The following NR2C2 variants were observed in gnomAD, a reference collection of about 807,000 sequenced individuals.
NR2C2 encodes nuclear receptor subfamily 2 group C member 2, also known as Nuclear hormone receptor TR4.
In NR2C2, 6 loss-of-function variants were observed where a neutral mutation model predicts 62.9. The ratio of observed to expected loss-of-function variants is 0.10; its 90% CI spans 0.05 to 0.19. The LOEUF (loss-of-function observed/expected upper bound fraction) is 0.19. Ranked by LOEUF, NR2C2 falls within the 10% of genes least tolerant of loss-of-function variation. NR2C2 has a pLI of 1.00. For synonymous variants in NR2C2, 272 were observed against 273.8 expected (o/e 0.99, Z 0.07); for missense variants, 479 against 762.7 (o/e 0.63, Z 4.38).
At chr3:14,971,957 C>T (rs533659546) in intron 1 of NR2C2, among the ~76,000 whole-genome samples, 73 of 150,910 alleles carry the variant, frequency 4.8e-4, no homozygotes, top group Middle Eastern at 3.4e-3. Context: ...TACAGGCATG[C>T]GCCACCACGC....
intron 5 of NR2C2, among the ~76,000 whole-genome samples, chr3:15,021,227 G>A (rs2041659839): frequency 6.6e-6 from 1 of 152,098 alleles, no homozygotes; most frequent in African/African-American, 2.4e-5. Flanking sequence ...TCTACCTCCA[G>A]GTGTGCCACT....
chr3:15,020,877 C>T lies in NR2C2; in HGVS notation c.501C>T (p.Asn167=), dbSNP rs753819692. Residue 167 remains asparagine (N), a synonymous_variant, in exon 5 of 14, where the codon AAC becomes AAT. Coordinates refer to ENST00000425241, the MANE Select transcript of NR2C2 (RefSeq NM_001291694.2). The stretch of plus-strand genomic sequence containing the variant: ...GCATCATCAATAAACATCACCGGAA[C>T]CGCTGTCAGTTTTGCCGGCTGAAAA... ...QDCIINKHHR[N]RCQFCRLKKC... is the part of the protein sequence containing the mutation. 6.2e-7 allele frequency: 1 copy of T among 1,614,160 alleles called. No homozygotes were observed. The highest frequency in any genetic ancestry group is 1.1e-5 in the South Asian group (1 of 91,078).
At chr3:15,013,919 G>A (rs1440349735) in intron 3 of NR2C2, 130 bp downstream of exon 3, 16 of 949,756 alleles carry the variant, frequency 1.7e-5, no homozygotes, top group Non-Finnish European at 2.4e-5. Flanking sequence ...AACATGGCAG[G>A]TTGCTGCTTT....
chr3:15,012,273 CT>C (rs1026825914), intron 2 of NR2C2, among the ~76,000 whole-genome samples: 3 of 151,536 alleles, frequency 2.0e-5, no homozygotes, highest in African/African-American at 7.3e-5. Flanking sequence ...GTCGCTCAGG[CT>C]GGAGTGCAGT....
chr3:15,032,038 C>T (rs1186609021), intron 9 of NR2C2, among the ~76,000 whole-genome samples: 2 of 152,114 alleles, frequency 1.3e-5, no homozygotes, highest in Non-Finnish European at 2.9e-5. Flanking sequence ...CCCCTGTTCC[C>T]CAGATTTAAT....
intron 1 of NR2C2, among the ~76,000 whole-genome samples, chr3:15,001,585 T>C (rs1015237293): frequency 5.9e-5 from 9 of 152,126 alleles, no homozygotes. Flanking sequence ...TCCGCCTGCC[T>C]TGGCCTCCCA....
At chr3:14,966,972 G>A (rs139049966) in intron 1 of NR2C2, among the ~76,000 whole-genome samples, 94 of 152,264 alleles carry the variant, frequency 6.2e-4, no homozygotes, top group African/African-American at 2.2e-3. Context: ...TAGAATTAGC[G>A]GAGAAGCCAT....
chr3:14,999,116 A>T (rs1347290513), intron 1 of NR2C2, among the ~76,000 whole-genome samples: 1 of 152,226 alleles, frequency 6.6e-6, no homozygotes, highest in East Asian at 1.9e-4. Flanking sequence ...CAGGAGTTGG[A>T]GACCAGCCTG....
At chr3:15,010,717 A>AC (rs1385145175) in intron 2 of NR2C2, among the ~76,000 whole-genome samples, 1 of 151,998 alleles carries the variant, frequency 6.6e-6, no homozygotes. Context: ...GTCTCAAAAA[A>AC]AAAAAAAAAA....
In NR2C2 at chr3:15,013,745, C is replaced by T. The variant is rs367547001; in HGVS notation, c.229C>T (p.Leu77Phe). The T allele has an allele frequency of 1.9e-6, 3 of 1,614,230 alleles. No individual in the cohort carries two copies. The highest frequency in any genetic ancestry group is 2.2e-5 in the East Asian group (1 of 44,878). ...ASPETSSAKQ[L>F]IFTTSDNLVP... Reference sequence around the variant, plus strand: ...CCCAGAGACATCCAGCGCCAAGCAACTCATATTCACCACCTCAGACAACCT... The same window carrying T: ...CCCAGAGACATCCAGCGCCAAGCAATTCATATTCACCACCTCAGACAACCT... Residue 77 changes from leucine to phenylalanine, a missense_variant, in exon 3 of 14, where the codon CTC becomes TTC. Coordinates refer to ENST00000425241, the MANE Select transcript of NR2C2 (RefSeq NM_001291694.2).
Position 15,021,016 on chromosome 3 carries a change from G to A in NR2C2, c.556+84G>A, listed in dbSNP as rs561763702. 1.5e-4 allele frequency: 199 copies of A among 1,331,766 alleles called. 2 individuals are homozygous for A. The South Asian group carries it at 2.5e-3, about 17-fold the overall frequency. The allele number at this position is 1,331,766 out of a possible 1,614,324, so 82.5% of individuals were successfully genotyped here. ...CCATTAAATAAGGTTTCTATACCTG[G>A]CCTTAAAATACTTTAAGAAAAAAAT... On this transcript the variant is annotated intron_variant, in intron 5 of 13. Transcript: ENST00000425241.
At chr3:14,954,196 A>G (rs1208880510) in intron 1 of NR2C2, among the ~76,000 whole-genome samples, 7 of 152,156 alleles carry the variant, frequency 4.6e-5, no homozygotes, top group Non-Finnish European at 8.8e-5. Context: ...CACAAAGTAT[A>G]TATCAGCTTT....
rs920352860 is a variant in NR2C2, at chr3:15,048,414, G to A, written c.*5406G>A. The A allele has an allele frequency of 1.4e-4, 21 of 152,692 alleles. No homozygotes were observed. The highest frequency in any genetic ancestry group is 4.1e-4 in the African/African-American group (17 of 41,556). 9.5% of individuals were successfully genotyped at this position (152,692 alleles called of 1,614,324 possible). A position where few individuals can be genotyped will look rare whatever the true frequency, so the allele number is the denominator to read the frequency against. ...AGCAGTCTACAAATAATTAAAGTGT[G>A]AGCTTAAGAAAAGTATCTTTGCGGG... On this transcript the variant is annotated 3_prime_UTR_variant, in exon 14 of 14. Transcript: ENST00000425241.
chr3:15,010,536 A>G (rs2041322900), intron 2 of NR2C2, among the ~76,000 whole-genome samples: 1 of 151,796 alleles, frequency 6.6e-6, no homozygotes, highest in African/African-American at 2.4e-5. Flanking sequence ...CAAAATAGTA[A>G]GACCCCATCT....
At chr3:14,982,566 T>A (rs1023351066) in intron 1 of NR2C2, among the ~76,000 whole-genome samples, 7 of 152,254 alleles carry the variant, frequency 4.6e-5, no homozygotes, top group African/African-American at 1.7e-4. Context: ...CAATGTTTTA[T>A]GTTCTATGAT....
chr3:14,984,572 T>C (rs1204983049), intron 1 of NR2C2, among the ~76,000 whole-genome samples: 1 of 152,226 alleles, frequency 6.6e-6, no homozygotes, highest in East Asian at 1.9e-4. Flanking sequence ...ACTTTTTTTG[T>C]CTTGCTTCTT....
chr3:14,993,313 G>A (rs954656891), intron 1 of NR2C2, among the ~76,000 whole-genome samples: 3 of 152,012 alleles, frequency 2.0e-5, no homozygotes, highest in African/African-American at 7.3e-5. Flanking sequence ...AATTAGCCGG[G>A]CATGGTGGTG....
intron 11 of NR2C2, among the ~76,000 whole-genome samples, chr3:15,035,971 T>C (rs1371017300): frequency 1.3e-5 from 2 of 152,114 alleles, no homozygotes; most frequent in African/African-American, 4.8e-5. Context: ...GAGGTTGCAG[T>C]GAGCCGAGAT....
chr3:14,951,748 T>G lies in NR2C2; in HGVS notation c.-40+3842T>G, dbSNP rs980896662. Among the ~76,000 whole-genome samples the G allele has an allele frequency of 3.3e-5, 5 of 151,368 alleles. No individual in the cohort carries two copies. In the South Asian group the frequency reaches 8.3e-4, roughly 25 times the overall value. On this transcript the variant is annotated intron_variant, in intron 1 of 13. Transcript: ENST00000425241. The stretch of plus-strand genomic sequence containing the variant: ...TTATGAGGATGGCTGGAAGTTTTTT[T>G]TGTGTGTTTTTTTTTGTTTTTGGGA...
Sources: gnomAD v4.1 joint callset for allele counts (sites outside exome capture counted in the v4.1 genomes callset) on GRCh38, gnomAD v4.1.1 for gene constraint, MANE v1.5 for transcripts, NCBI Gene and HGNC (gene_info 2026-07-23, HGNC 2026-07-21) for gene names.